PCLO: variants seen among roughly 807,000 people sequenced by gnomAD.
PCLO encodes the protein protein piccolo.
In PCLO, 82 loss-of-function variants were observed where a neutral mutation model predicts 427.5. The observed-to-expected ratio is 0.19, with a 90% CI of 0.16 to 0.23. The LOEUF (loss-of-function observed/expected upper bound fraction) is 0.23. Ranked by LOEUF, PCLO falls within the 10% of genes least tolerant of loss-of-function variation. PCLO has a pLI of 1.00. For synonymous variants in PCLO, 2,357 were observed against 2,155.4 expected (o/e 1.09, Z -2.59); for missense variants, 6,239 against 6,115.9 (o/e 1.02, Z -0.67).
chr7:82,799,438 CTG>C (rs1452868487), intron 22 of PCLO, among the ~76,000 whole-genome samples: 1 of 151,928 alleles, frequency 6.6e-6, no homozygotes, highest in East Asian at 1.9e-4. Flanking sequence ...ATTCTGTCAA[CTG>C]TGTTTTAAGA....
At chr7:82,996,156 C>T (rs1796491513) in intron 3 of PCLO, among the ~76,000 whole-genome samples, 1 of 151,504 alleles carries the variant, frequency 6.6e-6, no homozygotes, top group South Asian at 2.1e-4. Context: ...TAAATATGAT[C>T]TGATTTTGCT....
At chr7:83,031,707 T>A (rs1028431930) in intron 3 of PCLO, among the ~76,000 whole-genome samples, 1 of 136,370 alleles carries the variant, frequency 7.3e-6, no homozygotes, top group Non-Finnish European at 1.6e-5. Flanking sequence ...AAGAAATGAG[T>A]CTTAATCTCT....
chr7:83,046,080 T>G (rs1023188306), intron 3 of PCLO, among the ~76,000 whole-genome samples: 1 of 152,106 alleles, frequency 6.6e-6, no homozygotes, highest in African/African-American at 2.4e-5. Context: ...CAGTCTGTGA[T>G]GTTTGTACCC....
intron 3 of PCLO, among the ~76,000 whole-genome samples, chr7:83,034,455 T>C (rs1337604436): frequency 1.3e-5 from 2 of 152,196 alleles, no homozygotes; most frequent in Non-Finnish European, 2.9e-5. Context: ...CCCACAGTGC[T>C]GGGATTATAG....
In PCLO at chr7:82,965,495, C is replaced by A. The variant is rs553807940; in HGVS notation, c.4017+276G>T. Among the ~76,000 whole-genome samples the A allele has an allele frequency of 5.6e-3, 848 of 151,992 alleles. 4 individuals carry two copies. Among genetic ancestry groups the A allele is most frequent in the Non-Finnish European group, 7.7e-3 (524 of 67,936 alleles). On this transcript the variant is annotated intron_variant, in intron 4 of 24. Transcript: ENST00000333891. ...AGAGAAAATAAATAAAACTAGATAA[C>A]TTCTTTATCACTCCATATGATTTTG...
chr7:82,787,315 A>T (rs1791005945), intron 22 of PCLO, among the ~76,000 whole-genome samples: 1 of 151,890 alleles, frequency 6.6e-6, no homozygotes, highest in South Asian at 2.1e-4. Flanking sequence ...TGTGGTTTTG[A>T]TTTACATTTC....
chr7:82,864,367 C>A lies in PCLO; in HGVS notation c.13654+14970G>T, dbSNP rs929027775. Among the ~76,000 whole-genome samples the A allele has an allele frequency of 3.9e-5, 6 of 151,960 alleles. 1 individual carries two copies. The highest frequency in any genetic ancestry group is 3.9e-4 in the Admixed American group (6 of 15,250). ...ATCATGAACAAATGCTCACAGAAGG[C>A]AAATAACATCATGGATCTGGGATCA... On this transcript the variant is annotated intron_variant, in intron 10 of 24. Coordinates refer to ENST00000333891, the MANE Select transcript of PCLO (RefSeq NM_033026.6).
At chr7:83,011,584 T>G in intron 3 of PCLO, among the ~76,000 whole-genome samples, 1 of 142,982 alleles carries the variant, frequency 7.0e-6, no homozygotes, top group East Asian at 2.1e-4. Flanking sequence ...TGTAAATGTC[T>G]AATACTATAA....
intron 3 of PCLO, among the ~76,000 whole-genome samples, chr7:83,016,402 G>A (rs766494872): frequency 3.9e-5 from 6 of 152,088 alleles, no homozygotes; most frequent in South Asian, 2.1e-4. Context: ...AAAGAGGGTC[G>A]CTTATATTTT....
Position 82,992,586 on chromosome 7 carries a change from C to T in PCLO, c.3301-26099G>A, listed in dbSNP as rs182017474. Among the ~76,000 whole-genome samples, 533 of 152,062 alleles carry T rather than the reference C, an allele frequency of 3.5e-3. 2 individuals carry two copies. The highest frequency in any genetic ancestry group is 4.6e-3 in the Non-Finnish European group (314 of 67,980). On this transcript the variant is annotated intron_variant, in intron 3 of 24. Transcript: ENST00000333891. ...TGCAGAGAACATCACACACCAGGGC[C>T]TGTCGGGGGGTGTGGGATAAAGGGA...
At chr7:83,002,656 T>C (rs1787852341) in intron 3 of PCLO, among the ~76,000 whole-genome samples, 1 of 146,726 alleles carries the variant, frequency 6.8e-6, no homozygotes, top group Non-Finnish European at 1.5e-5. Flanking sequence ...CAATAGAAAA[T>C]AGATTAAACA....
At chr7:82,811,151 T>C (rs1791560860) in intron 20 of PCLO, among the ~76,000 whole-genome samples, 1 of 151,606 alleles carries the variant, frequency 6.6e-6, no homozygotes, top group Non-Finnish European at 1.5e-5. Context: ...AGATACAGTC[T>C]CTAAAATTTT....
chr7:82,874,419 G>A (rs1035345059), intron 10 of PCLO, among the ~76,000 whole-genome samples: 1 of 152,028 alleles, frequency 6.6e-6, no homozygotes, highest in Admixed American at 6.6e-5. Flanking sequence ...CACTGTGACG[G>A]GCCTGAATCT....
intron 3 of PCLO, among the ~76,000 whole-genome samples, chr7:83,102,919 C>T (rs1285147753): frequency 6.6e-6 from 1 of 151,686 alleles, no homozygotes; most frequent in Admixed American, 6.6e-5. Flanking sequence ...GTATTTATTG[C>T]AGAAGAAACA....
At chr7:82,922,842 T>C (rs73707120) in intron 6 of PCLO, among the ~76,000 whole-genome samples, 4,799 of 152,110 alleles carry the variant, frequency 0.032, 264 homozygotes, top group African/African-American at 0.11. Flanking sequence ...ATCATACTGC[T>C]AGAGAGACAT....
At position 82,827,909 on chromosome 7, in the gene PCLO, A is replaced by G. The variant is rs760457832; in HGVS notation, c.14307T>C (p.Asn4769=). The change falls in exon 17 of 25, where the codon AAT becomes AAC. Residue 4769 remains asparagine, a synonymous_variant. Coordinates refer to ENST00000333891, the MANE Select transcript of PCLO (RefSeq NM_033026.6). ...AAATACTTTTATAAATTACTGTTTG[A>G]TTCCACTCAGGATTAAGACTTTTCT... The part of the protein sequence containing the change: ...HVQKSLNPEW[N]QTVIYKSISM... 2.5e-6 allele frequency: 4 copies of G among 1,601,162 alleles called. No individual in the cohort carries two copies. The East Asian group carries it at 9.0e-5, about 36-fold the overall frequency.
Position 82,950,814 on chromosome 7 carries a change from C to A in PCLO, c.9774G>T (p.Glu3258Asp). Residue 3258 changes from glutamate (E) to aspartate (D), a missense_variant, in exon 6 of 25, where the codon GAG (glutamate) becomes GAT (aspartate). Physicochemically the swap from Glu to Asp is conservative, Grantham distance 45. Around this residue, in one of 5 missense-constraint regions of PCLO, gnomAD observed 4,677 missense variants for 4,468.4 expected, o/e 1.05. Transcript: ENST00000333891. ...GGTGTTGCTTCATAGACTGCAGCTC[C>A]TCCAACTTTTTCTGAACCATGATCT... ...QEKIMVQKKLEELQSMKQHLL... is the reference protein window; with the variant it reads ...QEKIMVQKKLDELQSMKQHLL... The A allele has an allele frequency of 6.2e-7, 1 of 1,613,692 alleles. No homozygotes were observed. Among genetic ancestry groups the A allele is most frequent in the Non-Finnish European group, 8.5e-7 (1 of 1,179,846 alleles).
At position 82,955,455 on chromosome 7, in the gene PCLO, A is replaced by G; in HGVS notation, c.5498T>C (p.Ile1833Thr). 1 of 1,613,632 alleles carries G rather than the reference A, an allele frequency of 6.2e-7. No homozygotes were observed. The highest frequency in any genetic ancestry group is 8.5e-7 in the Non-Finnish European group (1 of 1,179,766). Residue 1833 changes from isoleucine (I) to threonine (T), a missense_variant, in exon 5 of 25, where the codon ATT becomes ACT. Ile to Thr is a moderately conservative substitution (Grantham distance 89). Around this residue, in one of 5 missense-constraint regions of PCLO, gnomAD observed 4,677 missense variants for 4,468.4 expected, o/e 1.05. Coordinates refer to ENST00000333891, the MANE Select transcript of PCLO (RefSeq NM_033026.6). ...PKTPPSNLSP[I>T]EDASPTEELR... ...CTCTTCTGTCGGAGATGCATCTTCA[A>G]TGGGAGAGAGATTACTAGGTGGTGT...
intron 3 of PCLO, among the ~76,000 whole-genome samples, chr7:83,067,015 T>C (rs6949025): frequency 0.56 from 85,042 of 152,090 alleles, 25,100 homozygotes; most frequent in African/African-American, 0.75. Flanking sequence ...AATACAAACT[T>C]TTCTTTATGC....
Sources: gnomAD v4.1 joint callset for allele counts (sites outside exome capture counted in the v4.1 genomes callset) on GRCh38, gnomAD v4.1.1 for gene constraint, gnomAD v4.1.1 regional missense constraint, MANE v1.5 for transcripts, NCBI Gene and HGNC (gene_info 2026-07-23, HGNC 2026-07-21) for gene names.